DYSF: variants seen among roughly 807,000 people sequenced by gnomAD.
The protein encoded by DYSF is dysferlin.
DYSF carries 212 observed loss-of-function variants against 274.9 expected under a neutral mutation model. That is an observed-to-expected ratio of 0.77 (90% CI 0.69 to 0.86). DYSF has a LOEUF of 0.86. DYSF is among the 40% of genes least tolerant of loss of function. The pLI is 0.00. For missense variants in DYSF, 2,666 were observed against 2,783.2 expected (o/e 0.96, Z 0.95); for synonymous variants, 1,091 against 1,078.7 (o/e 1.01, Z -0.22).
At chr2:71,541,023 C>G (rs2152769707) in intron 17 of DYSF, among the ~76,000 whole-genome samples, 1 of 152,276 alleles carries the variant, frequency 6.6e-6, no homozygotes, top group African/African-American at 2.4e-5. Flanking sequence ...TTTCGAAATG[C>G]TGCCTTTATC....
intron 35 of DYSF, 150 bp downstream of exon 35, chr2:71,601,678 C>A (rs560232517): frequency 2.0e-6 from 2 of 1,017,914 alleles, no homozygotes; most frequent in South Asian, 1.4e-5. Context: ...AGGGCCCGGG[C>A]TGGAGGGAGC....
chr2:71,494,344 G>A (rs2084170870), intron 3 of DYSF, among the ~76,000 whole-genome samples: 1 of 152,186 alleles, frequency 6.6e-6, no homozygotes, highest in Non-Finnish European at 1.5e-5. Flanking sequence ...CCTTACTGGG[G>A]AACGTTAATT....
intron 3 of DYSF, among the ~76,000 whole-genome samples, chr2:71,493,034 A>G (rs1249267280): frequency 6.7e-6 from 1 of 150,242 alleles, no homozygotes; most frequent in African/African-American, 2.4e-5. Flanking sequence ...GGCACAAGCC[A>G]CCTCGTCTGG....
intron 1 of DYSF, among the ~76,000 whole-genome samples, chr2:71,460,421 T>C (rs2081238240): frequency 6.6e-6 from 1 of 152,172 alleles, no homozygotes; most frequent in Admixed American, 6.5e-5. Context: ...ATGTTTTTAT[T>C]TGGGTGACCA....
At chr2:71,467,386 G>C (rs1001771970) in intron 1 of DYSF, among the ~76,000 whole-genome samples, 2 of 152,156 alleles carry the variant, frequency 1.3e-5, no homozygotes, top group Admixed American at 1.3e-4. Flanking sequence ...AACATTGGCT[G>C]TATTGAATCT....
At position 71,669,226 on chromosome 2, in the gene DYSF, C is replaced by T. The variant is rs201381607; in HGVS notation, c.5642+19C>T. 1.1e-5 allele frequency: 17 copies of T among 1,580,914 alleles called. No individual in the cohort carries two copies. Among genetic ancestry groups the T allele is most frequent in the African/African-American group, 5.4e-5 (4 of 74,506 alleles). On this transcript the variant is annotated intron_variant, in intron 50 of 55. Coordinates refer to ENST00000410020, the MANE Select transcript of DYSF (RefSeq NM_001130987.2). ...TGAAAGGGTAGGGAGCCAGCGTCCT[C>T]TTGCCTGTCCAGCTTCCCGCAGCTC...
intron 41 of DYSF, among the ~76,000 whole-genome samples, chr2:71,623,245 TAC>T (rs2094142750): frequency 6.6e-6 from 1 of 151,940 alleles, no homozygotes; most frequent in Non-Finnish European, 1.5e-5. Flanking sequence ...TACATATGTA[TAC>T]ATGTGCCATG....
At chr2:71,571,947 A>G (rs1383832946) in intron 29 of DYSF, among the ~76,000 whole-genome samples, 1 of 148,516 alleles carries the variant, frequency 6.7e-6, no homozygotes, top group African/African-American at 2.5e-5. Flanking sequence ...CACAGATCAC[A>G]CCCAGCACAC....
At chr2:71,633,810 G>T (rs2094352646) in intron 41 of DYSF, among the ~76,000 whole-genome samples, 1 of 152,130 alleles carries the variant, frequency 6.6e-6, no homozygotes, top group South Asian at 2.1e-4. Context: ...GATCCAACTG[G>T]TCATCCTGGG....
At chr2:71,518,420 C>T (rs1421015565) in intron 10 of DYSF, among the ~76,000 whole-genome samples, 1 of 136,682 alleles carries the variant, frequency 7.3e-6, no homozygotes, top group East Asian at 2.1e-4. Context: ...CCACGCCTGG[C>T]AGTTTTTTTT....
chr2:71,568,897 G>A (rs2152812343), intron 26 of DYSF, among the ~76,000 whole-genome samples: 1 of 147,940 alleles, frequency 6.8e-6, no homozygotes, highest in Admixed American at 6.7e-5. Flanking sequence ...TTTTGAGACG[G>A]AGTCTCGCTC....
chr2:71,589,964 T>G (rs1027866871), intron 31 of DYSF, among the ~76,000 whole-genome samples: 1 of 152,112 alleles, frequency 6.6e-6, no homozygotes, highest in Admixed American at 6.5e-5. Context: ...TGGCCTCCCC[T>G]CCTCCCCTCT....
intron 41 of DYSF, among the ~76,000 whole-genome samples, chr2:71,630,210 T>C (rs1406268289): frequency 6.6e-6 from 1 of 152,214 alleles, no homozygotes; most frequent in Non-Finnish European, 1.5e-5. Flanking sequence ...TAGTTTAGAT[T>C]TGCAGTAGTT....
At chr2:71,457,786 G>C (rs977755216) in intron 1 of DYSF, among the ~76,000 whole-genome samples, 1 of 152,194 alleles carries the variant, frequency 6.6e-6, no homozygotes, top group African/African-American at 2.4e-5. Flanking sequence ...CAGGACTATG[G>C]TGGCTGCCTA....
rs113180605 is a variant in DYSF at position 71,659,084 on chromosome 2, AG to A, written c.4911+52del. 34 of 1,612,514 alleles carry A rather than the reference AG, an allele frequency of 2.1e-5. 1 individual carries two copies. In the African/African-American group the frequency reaches 2.9e-4, roughly 14 times the overall value. The stretch of plus-strand genomic sequence containing the variant: ...CCCCAGAGTAGCAGGCTCAGGTACA[AG>A]TGGCCTATAGAACCTGGACACAAAC... On this transcript the variant is annotated intron_variant, in intron 44 of 55. Transcript: ENST00000410020.
At chr2:71,641,290 T>C (rs2094481868) in intron 41 of DYSF, among the ~76,000 whole-genome samples, 1 of 149,726 alleles carries the variant, frequency 6.7e-6, no homozygotes, top group African/African-American at 2.5e-5. Flanking sequence ...GCCATTCTCC[T>C]GCCTCAGCCT....
intron 4 of DYSF, among the ~76,000 whole-genome samples, chr2:71,509,441 T>A (rs2085851330): frequency 5.9e-5 from 9 of 152,188 alleles, no homozygotes; most frequent in Admixed American, 5.9e-4. Flanking sequence ...GGATTATAGT[T>A]GTGAGCCACT....
Position 71,553,890 on chromosome 2 carries a change from A to G in DYSF, c.2068A>G (p.Ile690Val), listed in dbSNP as rs367901920. ...SSYWEDISHR[I>V]ETQNQLLGIA... Reference sequence around the variant, plus strand: ...CTACTGGGAGGACATCAGCCATAGAATCGAGACTCAGAACCAGCTGCTTGG... The same window carrying G: ...CTACTGGGAGGACATCAGCCATAGAGTCGAGACTCAGAACCAGCTGCTTGG... The change falls in exon 21 of 56, where the codon ATC becomes GTC. Residue 690 changes from isoleucine to valine, a missense_variant. By Grantham distance (29) the Ile-to-Val change is conservative (BLOSUM62 3). Coordinates refer to ENST00000410020, the MANE Select transcript of DYSF (RefSeq NM_001130987.2). 2 of 1,614,142 alleles carry G rather than the reference A, an allele frequency of 1.2e-6. No homozygotes were observed. The highest frequency in any genetic ancestry group is 1.7e-6 in the Non-Finnish European group (2 of 1,180,022).
intron 14 of DYSF, among the ~76,000 whole-genome samples, chr2:71,530,747 C>T (rs2088603502): frequency 1.3e-5 from 2 of 152,156 alleles, no homozygotes; most frequent in Non-Finnish European, 2.9e-5. Flanking sequence ...CTCCTTGTGG[C>T]GTCCCCGCTT....
Sources: gnomAD v4.1 joint callset for allele counts (sites outside exome capture counted in the v4.1 genomes callset) on GRCh38, gnomAD v4.1.1 for gene constraint, MANE v1.5 for transcripts, NCBI Gene and HGNC (gene_info 2026-07-23, HGNC 2026-07-21) for gene names.